FRY: variants seen among roughly 807,000 people sequenced by gnomAD.
The protein encoded by FRY is FRY microtubule binding protein.
A neutral mutation model predicts 348.4 loss-of-function variants in FRY; 128 were observed. The ratio of observed to expected loss-of-function variants is 0.37; its 90% confidence interval spans 0.32 to 0.43. FRY has a LOEUF of 0.43. Ranked by LOEUF, FRY falls within the 20% of genes least tolerant of loss-of-function variation. FRY has a pLI of 1.00. For missense variants in FRY, 2,736 were observed against 3,695.2 expected (o/e 0.74, Z 6.73); for synonymous variants, 1,370 against 1,374.7 (o/e 1.00, Z 0.08).
chr13:32,177,167 C>A (rs1270644461), intron 20 of FRY, among the ~76,000 whole-genome samples: 1 of 152,070 alleles, frequency 6.6e-6, no homozygotes. Flanking sequence ...AATTGATGTC[C>A]CCTGAACTTT....
Position 32,183,028 on chromosome 13 carries a change from A to G in FRY, c.3048A>G (p.Arg1016=). 1 of 1,586,134 alleles carries G rather than the reference A, an allele frequency of 6.3e-7. No homozygotes were observed. Among genetic ancestry groups the G allele is most frequent in the Non-Finnish European group, 8.7e-7 (1 of 1,155,658 alleles). The change falls in exon 24 of 61, where the codon AGA becomes AGG. Residue 1016 remains arginine (R), a synonymous_variant. Transcript: ENST00000542859. ...HPLMKEALER[R]PENKKRRERR... is the part of the protein sequence containing the mutation. ...TAATGAAAGAAGCTCTGGAAAGAAG[A>G]CCAGAGGTAAGAATTTGAATTTAAA...
In FRY at chr13:32,228,564, T is replaced by C. The variant is rs1885732902; in HGVS notation, c.5315T>C (p.Leu1772Pro). ...SISLGGSSGN[L>P]PQMTQEVEDV... ...AGTCTGGGAGGCAGCAGTGGAAACC[T>C]CCCACAGATGACCCAGGAGGTAGAA... is the stretch of plus-strand genomic sequence containing the variant. Residue 1772 changes from leucine (L) to proline (P), a missense_variant, in exon 40 of 61, where the codon CTC (leucine) becomes CCC (proline). Leu to Pro is a moderately conservative substitution (Grantham distance 98, BLOSUM62 -3). Around this residue, in one of 9 missense-constraint regions of FRY, gnomAD observed 794 missense variants for 977.0 expected, o/e 0.81. Transcript: ENST00000542859. The C allele has an allele frequency of 1.2e-6, 2 of 1,613,874 alleles. No individual in the cohort carries two copies. Among genetic ancestry groups the C allele is most frequent in the East Asian group, 4.5e-5 (2 of 44,876 alleles).
intron 50 of FRY, among the ~76,000 whole-genome samples, chr13:32,252,790 T>G (rs540126408): frequency 2.0e-5 from 3 of 152,056 alleles, no homozygotes; most frequent in Non-Finnish European, 4.4e-5. Flanking sequence ...CAAAGTGATA[T>G]TTCTTATCGT....
chr13:32,283,536 G>A lies in FRY; in HGVS notation c.8469+4988G>A, dbSNP rs192979865. ...GCAAGAAGCGTCTCTGCATATGCAA[G>A]CACCTGTCTGCTGAACTCACTTTCT... is the stretch of plus-strand genomic sequence containing the variant. On this transcript the variant is annotated intron_variant, in intron 58 of 60. Coordinates refer to ENST00000542859, the MANE Select transcript of FRY (RefSeq NM_023037.3). 7.4e-4 allele frequency among the ~76,000 whole-genome samples: 113 copies of A among 152,346 alleles called. No individual in the cohort carries two copies. In the Middle Eastern group the frequency reaches 0.01, roughly 14 times the overall value.
chr13:32,230,062 T>C (rs549666758), intron 40 of FRY, among the ~76,000 whole-genome samples: 1 of 152,240 alleles, frequency 6.6e-6, no homozygotes, highest in Non-Finnish European at 1.5e-5. Context: ...AAAATATTTT[T>C]TTAACTCACA....
At chr13:32,084,062 A>G (rs913720785) in intron 2 of FRY, among the ~76,000 whole-genome samples, 23 of 152,056 alleles carry the variant, frequency 1.5e-4, no homozygotes, top group Non-Finnish European at 5.9e-5. Context: ...ATTTCATTCA[A>G]TATTTCCAAG....
rs1391389848 is a variant in FRY at position 32,234,760 on chromosome 13, A to C, written c.5714A>C (p.Gln1905Pro). The C allele has an allele frequency of 6.2e-7, 1 of 1,612,940 alleles. No homozygotes were observed. The highest frequency in any genetic ancestry group is 8.5e-7 in the Non-Finnish European group (1 of 1,179,030). ...EVIGEHGDEI[Q>P]GYVMEALLTL... ...ATAGGAGAACATGGAGATGAGATTC[A>C]GGTATGGAAGGGAAGACCACTGAGC... is the stretch of plus-strand genomic sequence containing the variant. Residue 1905 changes from glutamine to proline, a missense_variant and splice_region_variant, in exon 42 of 61, where the codon CAG becomes CCG. Coordinates refer to ENST00000542859, the MANE Select transcript of FRY (RefSeq NM_023037.3).
intron 58 of FRY, among the ~76,000 whole-genome samples, chr13:32,288,213 T>C (rs1283596327): frequency 2.6e-5 from 4 of 152,264 alleles, no homozygotes; most frequent in African/African-American, 9.6e-5. Flanking sequence ...AACAATACTT[T>C]TTTATTTATT....
chr13:32,276,227 G>A (rs933785817), intron 56 of FRY, among the ~76,000 whole-genome samples: 2 of 152,132 alleles, frequency 1.3e-5, no homozygotes, highest in African/African-American at 4.8e-5. Flanking sequence ...TGTCTTATCT[G>A]CCTATACTAA....
At chr13:32,170,927 T>G (rs1267633138) in intron 17 of FRY, 85 bp from the exon 18 acceptor site, 1 of 995,086 alleles carries the variant, frequency 1.0e-6, no homozygotes, top group African/African-American at 1.6e-5. Context: ...AGAAGAGATA[T>G]ACATTAATAT....
At chr13:32,196,370 T>A (rs1002500962) in intron 29 of FRY, among the ~76,000 whole-genome samples, 1 of 152,228 alleles carries the variant, frequency 6.6e-6, no homozygotes, top group African/African-American at 2.4e-5. Context: ...AAACCACTCA[T>A]AATTGACTTT....
At chr13:32,192,341 C>CTGG (rs1472221888) in intron 28 of FRY, among the ~76,000 whole-genome samples, 2 of 137,702 alleles carry the variant, frequency 1.5e-5, no homozygotes, top group East Asian at 2.9e-4. Flanking sequence ...CTCTGTCCCC[C>CTGG]CGGCTGGAGT....
At position 32,161,271 on chromosome 13, in the gene FRY, G is replaced by T; in HGVS notation, c.1892+20G>T. On this transcript the variant is annotated intron_variant, in intron 17 of 60. Transcript: ENST00000542859. The stretch of plus-strand genomic sequence containing the variant: ...GGCTAGGTAGGTGAGAATATTATTT[G>T]GCCAAAATTAATTTCGATCCTTTGT... 2 of 1,413,876 alleles carry T rather than the reference G, an allele frequency of 1.4e-6. No homozygotes were observed. The highest frequency in any genetic ancestry group is 2.0e-6 in the Non-Finnish European group (2 of 997,334). 87.6% of individuals were successfully genotyped at this position (1,413,876 alleles called of 1,614,324 possible).
chr13:32,133,013 A>G (rs1879464779), intron 8 of FRY, among the ~76,000 whole-genome samples: 1 of 152,180 alleles, frequency 6.6e-6, no homozygotes, highest in African/African-American at 2.4e-5. Context: ...AAAGTAGACT[A>G]ACAGTTATCT....
At chr13:32,293,159 T>G (rs1889461166) in intron 59 of FRY, among the ~76,000 whole-genome samples, 1 of 152,184 alleles carries the variant, frequency 6.6e-6, no homozygotes, top group Non-Finnish European at 1.5e-5. Context: ...ATACCTGGTG[T>G]GTGTATTCAT....
At chr13:32,125,637 T>A (rs568197475) in intron 7 of FRY, among the ~76,000 whole-genome samples, 17 of 152,168 alleles carry the variant, frequency 1.1e-4, no homozygotes, top group African/African-American at 4.1e-4. Context: ...CTTCAAGGGA[T>A]TGAATTTCGT....
intron 24 of FRY, 45 bp from the exon 25 acceptor site, chr13:32,184,555 T>C (rs927324891): frequency 8.7e-7 from 1 of 1,153,904 alleles, no homozygotes. Context: ...AAAGTTAATA[T>C]TGTTTTGCCT....
intron 1 of FRY, among the ~76,000 whole-genome samples, chr13:32,044,955 A>G (rs1872941385): frequency 2.0e-5 from 3 of 152,220 alleles, no homozygotes; most frequent in Admixed American, 6.5e-5. Context: ...GCAGTAAAAT[A>G]TGACCAGTAA....
intron 3 of FRY, 121 bp from the exon 4 acceptor site, chr13:32,117,213 G>A: frequency 1.2e-6 from 1 of 853,210 alleles, no homozygotes; most frequent in Non-Finnish European, 1.9e-6. Flanking sequence ...ATGAAAGAAA[G>A]GACTGTGATA....
Sources: gnomAD v4.1 joint callset for allele counts (sites outside exome capture counted in the v4.1 genomes callset) on GRCh38, gnomAD v4.1.1 for gene constraint, gnomAD v4.1.1 regional missense constraint, MANE v1.5 for transcripts, NCBI Gene and HGNC (gene_info 2026-07-23, HGNC 2026-07-21) for gene names.